PDE8A: variants seen among roughly 807,000 people sequenced by gnomAD.
PDE8A encodes high affinity cAMP-specific and IBMX-insensitive 3',5'-cyclic phosphodiesterase 8A.
Under a neutral mutation model 105.0 loss-of-function variants are expected in PDE8A, and 59 were observed. The ratio of observed to expected loss-of-function variants is 0.56; its 90% CI spans 0.46 to 0.70. The LOEUF (loss-of-function observed/expected upper bound fraction) is 0.70. Ranked by LOEUF, PDE8A falls within the 30% of genes least tolerant of loss-of-function variation. The pLI is 0.00. For synonymous variants in PDE8A, 355 were observed against 371.9 expected (o/e 0.95, Z 0.52); for missense variants, 1,014 against 1,045.9 (o/e 0.97, Z 0.42).
intron 1 of PDE8A, among the ~76,000 whole-genome samples, chr15:85,043,115 G>A (rs1185299036): frequency 2.0e-5 from 3 of 152,090 alleles, no homozygotes; most frequent in African/African-American, 2.4e-5. Context: ...TATACAGTGT[G>A]TTACAGAAAC....
At chr15:85,006,266 T>TAA (rs1567224935) in intron 1 of PDE8A, among the ~76,000 whole-genome samples, 68 of 152,036 alleles carry the variant, frequency 4.5e-4, no homozygotes, top group African/African-American at 1.3e-3. Context: ...AGTATTATTA[T>TAA]TATAATAATA....
At chr15:85,123,989 TC>T (rs1342371052) in intron 19 of PDE8A, among the ~76,000 whole-genome samples, 1 of 152,194 alleles carries the variant, frequency 6.6e-6, no homozygotes, top group Non-Finnish European at 1.5e-5. Context: ...GATATATCTT[TC>T]TAGCCACTCC....
rs148857371 is a variant in PDE8A, at chr15:85,057,678, G to A, written c.187-6692G>A. 4.0e-3 allele frequency among the ~76,000 whole-genome samples: 602 copies of A among 152,300 alleles called. 3 individuals carry two copies. The highest frequency in any genetic ancestry group is 6.3e-3 in the Non-Finnish European group (428 of 68,022). On this transcript the variant is annotated intron_variant, in intron 1 of 21. Transcript: ENST00000394553. ...GGCCATCTTGGAACCTCCTGTGCTCGTACATGGCTTTTTAAATGTTGAGGT... is the reference window on the plus strand; with the variant it reads ...GGCCATCTTGGAACCTCCTGTGCTCATACATGGCTTTTTAAATGTTGAGGT...
At chr15:84,993,420 GC>G (rs2079922397) in intron 1 of PDE8A, among the ~76,000 whole-genome samples, 1 of 133,864 alleles carries the variant, frequency 7.5e-6, no homozygotes, top group Non-Finnish European at 1.5e-5. Context: ...TCCAGCCTGG[GC>G]GACAGAGCGA....
At chr15:85,113,334 C>T (rs565396966) in intron 12 of PDE8A, 43 bp from the exon 13 acceptor site, 10 of 1,539,056 alleles carry the variant, frequency 6.5e-6, no homozygotes, top group Non-Finnish European at 9.0e-6. Flanking sequence ...GACAGGTGCC[C>T]AGAGTTGTGC....
In PDE8A at chr15:85,135,122, A is replaced by G. The variant is rs546892887; in HGVS notation, c.2254-1412A>G. Among the ~76,000 whole-genome samples the G allele has an allele frequency of 2.0e-5, 3 of 152,230 alleles. No individual in the cohort carries two copies. The South Asian group carries it at 6.2e-4, about 32-fold the overall frequency. On this transcript the variant is annotated intron_variant, in intron 20 of 21. Transcript: ENST00000394553. The stretch of plus-strand genomic sequence containing the variant: ...AGCCATGGTGAGGCCCTGTGGAGCA[A>G]GGGCTAAGGGGAGGAGCTGCGAGTG...
intron 6 of PDE8A, among the ~76,000 whole-genome samples, chr15:85,085,238 C>T (rs1310270109): frequency 6.6e-6 from 1 of 152,002 alleles, no homozygotes; most frequent in African/African-American, 2.4e-5. Flanking sequence ...CAGCTGGCAG[C>T]CAAATTATGA....
At chr15:84,981,794 G>T (rs1451398843), upstream of PDE8A, among the ~76,000 whole-genome samples, 1 of 151,138 alleles carries the variant, frequency 6.6e-6, no homozygotes, top group African/African-American at 2.4e-5. Context: ...CTCGCGCGGC[G>T]TGGACTCAGC....
intron 1 of PDE8A, among the ~76,000 whole-genome samples, chr15:85,000,432 A>G (rs1053530204): frequency 6.6e-6 from 1 of 152,242 alleles, no homozygotes; most frequent in African/African-American, 2.4e-5. Context: ...AGTGTAGGAC[A>G]GCTTCAGATC....
At chr15:85,087,644 C>T (rs754041932) in intron 6 of PDE8A, among the ~76,000 whole-genome samples, 2 of 151,898 alleles carry the variant, frequency 1.3e-5, no homozygotes, top group African/African-American at 2.4e-5. Flanking sequence ...CTGGAAGCAA[C>T]CTAAATGTCT....
chr15:85,120,821 G>A lies in PDE8A; in HGVS notation c.1759G>A (p.Val587Ile), dbSNP rs1010816945. Reference protein sequence around the residue: ...IKETLDPIDEVAALIAATIHD... With the variant: ...IKETLDPIDEIAALIAATIHD... Reference sequence around the variant, plus strand: ...GGAAACTTTAGATCCAATTGATGAGGTCGCTGCACTCATCGCAGCCACCAT... The same window carrying A: ...GGAAACTTTAGATCCAATTGATGAGATCGCTGCACTCATCGCAGCCACCAT... The change falls in exon 18 of 22, where the codon GTC becomes ATC. Residue 587 changes from valine (V) to isoleucine (I), a missense_variant. Transcript: ENST00000394553. The A allele has an allele frequency of 6.2e-6, 10 of 1,613,320 alleles. No homozygotes were observed. Among genetic ancestry groups the A allele is most frequent in the Non-Finnish European group, 7.6e-6 (9 of 1,179,528 alleles).
intron 1 of PDE8A, among the ~76,000 whole-genome samples, chr15:85,018,598 A>G (rs755846097): frequency 2.6e-5 from 4 of 152,188 alleles, no homozygotes; most frequent in East Asian, 1.9e-4. Flanking sequence ...GCTTGTTTCT[A>G]TAATTATGTG....
intron 1 of PDE8A, among the ~76,000 whole-genome samples, chr15:85,038,214 GGGGTGTGTGT>G (rs746052047): frequency 0.13 from 19,416 of 144,172 alleles, 1,545 homozygotes; most frequent in Middle Eastern, 0.25. Flanking sequence ...CTCCAATTGG[GGGGTGTGTGT>G]GTGTGTGTGT....
rs182904946 is a variant in PDE8A, at chr15:85,054,599, G to A, written c.187-9771G>A. ...TTCTTCTAGATTTTCTAGTTTATTT[G>A]TGTAGAGGTGTTTATAGTATTCTCT... On this transcript the variant is annotated intron_variant, in intron 1 of 21. Coordinates refer to ENST00000394553, the MANE Select transcript of PDE8A (RefSeq NM_002605.3). Among the ~76,000 whole-genome samples, 5 of 152,292 alleles carry A rather than the reference G, an allele frequency of 3.3e-5. No individual in the cohort carries two copies. In the East Asian group the frequency reaches 7.7e-4, roughly 23 times the overall value.
intron 11 of PDE8A, among the ~76,000 whole-genome samples, chr15:85,107,770 A>G (rs1782419925): frequency 6.6e-6 from 1 of 152,176 alleles, no homozygotes; most frequent in African/African-American, 2.4e-5. Flanking sequence ...TTAAGATGTA[A>G]GTCTGGAGCT....
rs756688402 is a variant in PDE8A, at chr15:84,982,272, A to G, written c.110A>G (p.Gln37Arg). 11 of 1,439,004 alleles carry G rather than the reference A, an allele frequency of 7.6e-6. No individual in the cohort carries two copies. Among genetic ancestry groups the G allele is most frequent in the African/African-American group, 7.5e-5 (5 of 66,938 alleles). 89.1% of individuals were successfully genotyped at this position (1,439,004 alleles called of 1,614,324 possible). A position where few individuals can be genotyped will look rare whatever the true frequency, so the allele number is the denominator to read the frequency against. ...SSGGPRLPQG[Q>R]KTAALPRTRG... ...GGCGGGCCGCGCCTCCCGCAGGGCC[A>G]GAAGACGGCCGCCTTGCCCCGGACC... Residue 37 changes from glutamine to arginine, a missense_variant, in exon 1 of 22, where the codon CAG becomes CGG. Physicochemically the swap from Gln to Arg is conservative, Grantham distance 43. Transcript: ENST00000394553.
At chr15:85,056,907 T>C (rs1034486872) in intron 1 of PDE8A, among the ~76,000 whole-genome samples, 14 of 152,264 alleles carry the variant, frequency 9.2e-5, no homozygotes, top group African/African-American at 3.4e-4. Flanking sequence ...ATTTTTAGAA[T>C]GTTCAGCTTT....
chr15:85,090,175 C>G (rs774114211), intron 7 of PDE8A, among the ~76,000 whole-genome samples: 3 of 152,124 alleles, frequency 2.0e-5, no homozygotes, highest in Non-Finnish European at 1.5e-5. Context: ...TGGTGTCAGA[C>G]GGGCCTGGGC....
chr15:84,982,700 C>G (rs996884990), intron 1 of PDE8A, among the ~76,000 whole-genome samples: 3 of 152,168 alleles, frequency 2.0e-5, no homozygotes, highest in African/African-American at 7.2e-5. Context: ...AGGGAAACCC[C>G]CAGGATATTC....
Sources: gnomAD v4.1 joint callset for allele counts (sites outside exome capture counted in the v4.1 genomes callset) on GRCh38, gnomAD v4.1.1 for gene constraint, MANE v1.5 for transcripts, NCBI Gene and HGNC (gene_info 2026-07-23, HGNC 2026-07-21) for gene names.